The following MAGI1 variants were observed in gnomAD, a reference collection of about 807,000 sequenced individuals.
MAGI1 encodes membrane-associated guanylate kinase, WW and PDZ domain-containing protein 1.
Under a neutral mutation model 139.9 loss-of-function variants are expected in MAGI1, and 58 were observed. That is an observed-to-expected ratio of 0.41 (90% CI 0.34 to 0.52). MAGI1 has a LOEUF of 0.52. Ranked by LOEUF, MAGI1 falls within the 20% of genes least tolerant of loss-of-function variation. The probability of loss-of-function intolerance (pLI) is 0.12; values close to 1 mark genes in which losing one functional copy is unlikely to be tolerated. For missense variants in MAGI1, 1,874 were observed against 1,901.6 expected (o/e 0.99, Z 0.27); for synonymous variants, 812 against 737.9 (o/e 1.10, Z -1.63).
intron 1 of MAGI1, among the ~76,000 whole-genome samples, chr3:65,852,566 T>C (rs1024264235): frequency 6.6e-6 from 1 of 151,150 alleles, no homozygotes. Flanking sequence ...CACAACTGCA[T>C]GATCTCAGCT....
At chr3:65,719,728 G>A (rs1336315529) in intron 1 of MAGI1, among the ~76,000 whole-genome samples, 1 of 151,828 alleles carries the variant, frequency 6.6e-6, no homozygotes, top group Non-Finnish European at 1.5e-5. Flanking sequence ...GTATTTTTTT[G>A]TAGAGAAGGA....
chr3:65,633,991 C>G (rs9813068), intron 1 of MAGI1, among the ~76,000 whole-genome samples: 15,251 of 152,168 alleles, frequency 0.1, 1,897 homozygotes, highest in African/African-American at 0.3. Flanking sequence ...ACCAATTGGA[C>G]TCGAGATGAC....
At chr3:65,999,972 C>CTTTTTTTTTT (rs3048011) in intron 1 of MAGI1, among the ~76,000 whole-genome samples, 3 of 113,290 alleles carry the variant, frequency 2.6e-5, no homozygotes, top group African/African-American at 6.9e-5. Context: ...TCCCCCCACG[C>CTTTTTTTTTT]TTTTTTTTTT....
intron 12 of MAGI1, among the ~76,000 whole-genome samples, chr3:65,404,703 C>T (rs1945193043): frequency 6.6e-6 from 1 of 152,168 alleles, no homozygotes; most frequent in Non-Finnish European, 1.5e-5. Flanking sequence ...GGATTGAAAA[C>T]AGCTGGGAGA....
At chr3:65,511,865 C>T (rs1282860842) in intron 2 of MAGI1, among the ~76,000 whole-genome samples, 2 of 112,928 alleles carry the variant, frequency 1.8e-5, no homozygotes, top group South Asian at 3.9e-4. Context: ...TTTTTCAGCA[C>T]CACACCACAC....
intron 1 of MAGI1, among the ~76,000 whole-genome samples, chr3:65,741,132 T>C (rs1184440424): frequency 2.6e-5 from 4 of 152,028 alleles, no homozygotes; most frequent in Admixed American, 2.6e-4. Context: ...CTTGATCAAC[T>C]GTGGAAACTG....
intron 3 of MAGI1, among the ~76,000 whole-genome samples, chr3:65,484,999 C>T (rs1951540322): frequency 6.6e-6 from 1 of 152,194 alleles, no homozygotes; most frequent in African/African-American, 2.4e-5. Flanking sequence ...TGACGCAGTG[C>T]CAGGCACATA....
At chr3:65,852,105 T>C (rs1318427130) in intron 1 of MAGI1, among the ~76,000 whole-genome samples, 1 of 152,130 alleles carries the variant, frequency 6.6e-6, no homozygotes, top group South Asian at 2.1e-4. Context: ...CAGGAAGATA[T>C]CTGGTAGGGC....
chr3:65,766,038 A>G (rs565006761), intron 1 of MAGI1, among the ~76,000 whole-genome samples: 6 of 152,354 alleles, frequency 3.9e-5, no homozygotes, highest in Non-Finnish European at 8.8e-5. Context: ...AGGCAGGACT[A>G]AAGTATCCCT....
At chr3:65,681,592 C>T (rs1324616246) in intron 1 of MAGI1, among the ~76,000 whole-genome samples, 1 of 152,210 alleles carries the variant, frequency 6.6e-6, no homozygotes, top group Non-Finnish European at 1.5e-5. Context: ...CCCCTGAAAA[C>T]TTTCTGTATA....
chr3:65,638,355 A>T (rs2084767649), intron 1 of MAGI1, among the ~76,000 whole-genome samples: 1 of 152,112 alleles, frequency 6.6e-6, no homozygotes, highest in Non-Finnish European at 1.5e-5. Context: ...AATTTTTTTT[A>T]AGATTCATGA....
intron 2 of MAGI1, among the ~76,000 whole-genome samples, chr3:65,522,468 G>A (rs1196706557): frequency 6.6e-6 from 1 of 152,156 alleles, no homozygotes; most frequent in Non-Finnish European, 1.5e-5. Context: ...ATAAAGCCAA[G>A]TTCAGGATGA....
intron 16 of MAGI1, among the ~76,000 whole-genome samples, chr3:65,381,357 T>C (rs543413503): frequency 6.6e-5 from 10 of 152,136 alleles, no homozygotes; most frequent in South Asian, 6.2e-4. Flanking sequence ...TCAAAGCTTA[T>C]GGGCAGGAAG....
chr3:66,024,446 A>G (rs1234051823), intron 1 of MAGI1, among the ~76,000 whole-genome samples: 1 of 151,592 alleles, frequency 6.6e-6, no homozygotes, highest in Non-Finnish European at 1.5e-5. Flanking sequence ...AGCTTTTCCC[A>G]TTGAACAGAA....
At chr3:65,396,664 A>G (rs1184972382) in intron 13 of MAGI1, among the ~76,000 whole-genome samples, 1 of 152,328 alleles carries the variant, frequency 6.6e-6, no homozygotes, top group East Asian at 1.9e-4. Context: ...AAATTGATCC[A>G]TTTTAAAGCA....
intron 1 of MAGI1, among the ~76,000 whole-genome samples, chr3:66,004,772 G>A (rs894222967): frequency 1.3e-5 from 2 of 152,152 alleles, no homozygotes; most frequent in African/African-American, 4.8e-5. Flanking sequence ...AAAATTCTGA[G>A]TCTCAGGCAT....
intron 2 of MAGI1, among the ~76,000 whole-genome samples, chr3:65,571,680 G>A (rs138524872): frequency 1.3e-5 from 2 of 151,454 alleles, no homozygotes; most frequent in African/African-American, 2.4e-5. Flanking sequence ...CATTTGGTAG[G>A]GTTTTTCTAT....
intron 1 of MAGI1, among the ~76,000 whole-genome samples, chr3:65,711,725 G>A (rs568096161): frequency 6.6e-6 from 1 of 152,272 alleles, no homozygotes; most frequent in African/African-American, 2.4e-5. Context: ...ACCAGGTGAG[G>A]ACACAGAGGG....
chr3:65,544,170 T>C (rs1165413864), intron 2 of MAGI1, among the ~76,000 whole-genome samples: 2 of 152,222 alleles, frequency 1.3e-5, no homozygotes, highest in Non-Finnish European at 2.9e-5. Context: ...TATATTTTTA[T>C]ATTTTACAAA....
Sources: allele counts gnomAD v4.1 joint callset (sites outside exome capture counted in the v4.1 genomes callset), GRCh38; gene constraint gnomAD v4.1.1; transcripts MANE v1.5; gene names NCBI Gene and HGNC (gene_info 2026-07-23, HGNC 2026-07-21).